Variants in NIPAL3 observed in about 807,000 individuals in gnomAD.
NIPAL3 encodes the protein NIPA like domain containing 3.
A neutral mutation model predicts 47.2 loss-of-function variants in NIPAL3; 41 were observed. That is an observed-to-expected ratio of 0.87 (90% confidence interval 0.68 to 1.13). The LOEUF (loss-of-function observed/expected upper bound fraction) is 1.13. Ranked by LOEUF, NIPAL3 falls within the 50% of genes most tolerant of loss-of-function variation. The pLI, the probability that NIPAL3 is intolerant of heterozygous loss-of-function variation, is 0.00. For synonymous variants in NIPAL3, 194 were observed against 209.6 expected (o/e 0.93, Z 0.64); for missense variants, 449 against 530.1 (o/e 0.85, Z 1.50).
rs780800864 is a variant in NIPAL3 at position 24,449,609 on chromosome 1, C to G, written c.523C>G (p.Pro175Ala). 19 of 1,613,406 alleles carry G rather than the reference C, an allele frequency of 1.2e-5. No individual in the cohort carries two copies. The highest frequency in any genetic ancestry group is 1.4e-5 in the Non-Finnish European group (17 of 1,179,900). ...ENVTRHLVSWPFLLYMLVEII... is the reference protein window; with the variant it reads ...ENVTRHLVSWAFLLYMLVEII... ...TGTCACCAGGCACCTCGTGAGCTGG[C>G]CTTTCCTTTTGTACATGGTAAGAGA... The change falls in exon 6 of 12, where the codon CCT becomes GCT. Residue 175 changes from proline to alanine, a missense_variant. Coordinates refer to ENST00000374399, the MANE Select transcript of NIPAL3 (RefSeq NM_020448.5). This position sits in a 1 kb window ranked among gnomAD's most constrained non-coding sequence, Gnocchi z 4.5.
At chr1:24,424,023 A>G (rs1406550428) in intron 2 of NIPAL3, among the ~76,000 whole-genome samples, 2 of 152,120 alleles carry the variant, frequency 1.3e-5, no homozygotes, top group Admixed American at 1.3e-4. Context: ...ATCTAAGAAA[A>G]CTCAGAGCAC....
At position 24,436,041 on chromosome 1, in the gene NIPAL3, A is replaced by G. The variant is rs144341434; in HGVS notation, c.94-4131A>G. ...TCTCTTGGGCCTCTTTTATAAGAACACTAATTCCATTCATGAGGGCTCCAC... is the reference window on the plus strand; with the variant it reads ...TCTCTTGGGCCTCTTTTATAAGAACGCTAATTCCATTCATGAGGGCTCCAC... On this transcript the variant is annotated intron_variant, in intron 2 of 11. Transcript: ENST00000374399. 3.9e-5 allele frequency among the ~76,000 whole-genome samples: 6 copies of G among 152,200 alleles called. No homozygotes were observed. The East Asian group carries it at 5.8e-4, about 15-fold the overall frequency.
At chr1:24,443,460 T>A (rs1046792396) in intron 4 of NIPAL3, among the ~76,000 whole-genome samples, 1 of 152,224 alleles carries the variant, frequency 6.6e-6, no homozygotes, top group Non-Finnish European at 1.5e-5. Context: ...GGATGGCAGA[T>A]GCATGGTAAC....
intron 6 of NIPAL3, among the ~76,000 whole-genome samples, chr1:24,452,483 A>G (rs145523917): frequency 1.3e-5 from 2 of 152,312 alleles, no homozygotes; most frequent in African/African-American, 4.8e-5. Context: ...CATTTAGTGT[A>G]AGCTATGATT....
intron 2 of NIPAL3, among the ~76,000 whole-genome samples, chr1:24,421,617 C>T (rs1350758418): frequency 1.3e-5 from 2 of 152,222 alleles, no homozygotes; most frequent in African/African-American, 2.4e-5. Flanking sequence ...GAGTTCGTCA[C>T]ATGCCTTTCC....
intron 2 of NIPAL3, among the ~76,000 whole-genome samples, chr1:24,423,107 A>C (rs1367578610): frequency 2.6e-5 from 4 of 152,244 alleles, no homozygotes; most frequent in Non-Finnish European, 5.9e-5. Flanking sequence ...TCTTGACTTC[A>C]GAGGAAATTC....
rs1646842088 is a variant in NIPAL3 at position 24,469,711 on chromosome 1, CTGACATT to C, written c.*529_*535del. ...CTGGGCCAACCCTGGGTGGAAGGTT[CTGACATT>C]TGTGTTTTCAGAAATGTACATCTGC... On this transcript the variant is annotated 3_prime_UTR_variant, in exon 12 of 12. Transcript: ENST00000374399. 6.5e-6 allele frequency: 1 copy of C among 154,442 alleles called. No individual in the cohort carries two copies. Among genetic ancestry groups the C allele is most frequent in the Admixed American group, 6.3e-5 (1 of 15,760 alleles). The allele number at this position is 154,442 out of a possible 1,614,324, so 9.6% of individuals were successfully genotyped here. A position where few individuals can be genotyped will look rare whatever the true frequency, so the allele number is the denominator to read the frequency against.
chr1:24,448,932 A>C (rs1645800134), intron 5 of NIPAL3, among the ~76,000 whole-genome samples: 1 of 152,248 alleles, frequency 6.6e-6, no homozygotes, highest in South Asian at 2.1e-4. Context: ...GAATGGATAA[A>C]TTGTGTTGTA....
At chr1:24,437,466 A>G (rs1042417648) in intron 2 of NIPAL3, among the ~76,000 whole-genome samples, 25 of 152,206 alleles carry the variant, frequency 1.6e-4, no homozygotes, top group Non-Finnish European at 7.3e-5. Flanking sequence ...AAGTTGGGCT[A>G]ATAATAAACA....
rs1646043669 is a variant in NIPAL3, at chr1:24,453,500, A to C, written c.633A>C (p.Leu211Phe). The change falls in exon 7 of 12, where the codon TTA (leucine) becomes TTC (phenylalanine). Residue 211 changes from leucine to phenylalanine, a missense_variant. Physicochemically the swap from Leu to Phe is conservative, Grantham distance 22. Transcript: ENST00000374399. ...NIVVILLLVA[L>F]LGSMTVVTVK... is the part of the protein sequence containing the mutation. Reference sequence around the variant, plus strand: ...TCGTGATTCTTCTCTTGGTGGCGTTACTTGGTAAGTTGGCATCTGGATGAT... The same window carrying C: ...TCGTGATTCTTCTCTTGGTGGCGTTCCTTGGTAAGTTGGCATCTGGATGAT... The C allele has an allele frequency of 6.2e-7, 1 of 1,612,486 alleles. No individual in the cohort carries two copies. Among genetic ancestry groups the C allele is most frequent in the African/African-American group, 1.3e-5 (1 of 74,798 alleles).
chr1:24,419,483 G>T lies in NIPAL3; in HGVS notation c.-65G>T. 2 of 1,493,290 alleles carry T rather than the reference G, an allele frequency of 1.3e-6. No individual in the cohort carries two copies. The highest frequency in any genetic ancestry group is 1.4e-5 in the African/African-American group (1 of 70,962). The allele number at this position is 1,493,290 out of a possible 1,614,324, so 92.5% of individuals were successfully genotyped here. ...CACAAGGAGAGATGGCATCTGGCCTGGGCCCCGCCTAGCAGCAGCTCCACC... is the reference window on the plus strand; with the variant it reads ...CACAAGGAGAGATGGCATCTGGCCTTGGCCCCGCCTAGCAGCAGCTCCACC... On this transcript the variant is annotated 5_prime_UTR_variant, in exon 2 of 12. Coordinates refer to ENST00000374399, the MANE Select transcript of NIPAL3 (RefSeq NM_020448.5).
chr1:24,426,233 C>T (rs1644582344), intron 2 of NIPAL3, among the ~76,000 whole-genome samples: 1 of 152,078 alleles, frequency 6.6e-6, no homozygotes, highest in Admixed American at 6.5e-5. Context: ...GACCGTGGTC[C>T]CGGTTTGTGC....
chr1:24,460,507 G>T lies in NIPAL3; in HGVS notation c.889G>T (p.Gly297Trp), dbSNP rs542124168. Residue 297 changes from glycine to tryptophan, a missense_variant, in exon 10 of 12, where the codon GGG becomes TGG. Transcript: ENST00000374399. The part of the protein sequence containing the change: ...AGAIFYLDFI[G>W]EDVLHICMFA... ...TGCAATATTTTACCTGGACTTCATC[G>T]GGGAGGACGTGCTGCACATCTGCAT... is the stretch of plus-strand genomic sequence containing the variant. 3 of 1,586,088 alleles carry T rather than the reference G, an allele frequency of 1.9e-6. No individual in the cohort carries two copies. The South Asian group carries it at 3.5e-5, about 18-fold the overall frequency.
chr1:24,468,808 A>G (rs1004800165), intron 11 of NIPAL3, among the ~76,000 whole-genome samples, 178 bp from the exon 12 acceptor site: 3 of 152,194 alleles, frequency 2.0e-5, no homozygotes, highest in Non-Finnish European at 4.4e-5. Flanking sequence ...TAGCAACCGT[A>G]ATAGTTCCAG....
At chr1:24,417,583 C>G (rs975659638) in intron 1 of NIPAL3, among the ~76,000 whole-genome samples, 4 of 152,164 alleles carry the variant, frequency 2.6e-5, no homozygotes, top group Non-Finnish European at 4.4e-5. Flanking sequence ...TAAAGTTACC[C>G]GGTGAATGCT....
At chr1:24,446,575 C>T (rs968258692) in intron 5 of NIPAL3, among the ~76,000 whole-genome samples, 9 of 152,166 alleles carry the variant, frequency 5.9e-5, no homozygotes, top group Admixed American at 6.5e-5. Flanking sequence ...TGGCTTCTAC[C>T]TCCATCCATG....
chr1:24,421,710 A>G (rs1265352483), intron 2 of NIPAL3: 2 of 152,200 alleles, frequency 1.3e-5, no homozygotes, highest in African/African-American at 4.8e-5. Flanking sequence ...GGTGGTGGTG[A>G]GGATGAAATG....
intron 2 of NIPAL3, among the ~76,000 whole-genome samples, chr1:24,435,902 A>G (rs1645080857): frequency 1.3e-5 from 2 of 152,218 alleles, no homozygotes; most frequent in Admixed American, 1.3e-4. Flanking sequence ...CACAGTTCTG[A>G]AAGCTGGGAA....
Position 24,469,071 on chromosome 1 carries a change from C to T in NIPAL3, c.1107C>T (p.Asp369=). 2 of 1,613,940 alleles carry T rather than the reference C, an allele frequency of 1.2e-6. No homozygotes were observed. The highest frequency in any genetic ancestry group is 1.7e-6 in the Non-Finnish European group (2 of 1,179,954). Residue 369 remains aspartate (D), a synonymous_variant, in exon 12 of 12, where the codon GAC becomes GAT. Coordinates refer to ENST00000374399, the MANE Select transcript of NIPAL3 (RefSeq NM_020448.5). ...SFSYGALENN[D]NISEIYAPAT... is the part of the protein sequence containing the mutation. ...CCTATGGGGCTCTGGAAAACAATGA[C>T]AACATTTCTGAGATCTACGCTCCTG...
Sources: allele counts gnomAD v4.1 joint callset (sites outside exome capture counted in the v4.1 genomes callset), GRCh38; gene constraint gnomAD v4.1.1; non-coding constraint Gnocchi (gnomAD v3.1); transcripts MANE v1.5; gene names NCBI Gene and HGNC (gene_info 2026-07-23, HGNC 2026-07-21).